The following GOLPH3L variants were observed in gnomAD, a reference collection of about 807,000 sequenced individuals.
GOLPH3L encodes the protein golgi phosphoprotein 3 like.
Under a neutral mutation model 30.3 loss-of-function variants are expected in GOLPH3L, and 22 were observed. That is an observed-to-expected ratio of 0.73 (90% CI 0.52 to 1.04). The LOEUF (loss-of-function observed/expected upper bound fraction) is 1.04. GOLPH3L is among the 50% of genes least tolerant of loss of function. GOLPH3L has a pLI of 0.00. For missense variants in GOLPH3L, 303 were observed against 345.8 expected, an observed-to-expected ratio of 0.88 and a Z score of 0.98; for synonymous variants, 120 against 128.2, an observed-to-expected ratio of 0.94 and a Z score of 0.43.
chr1:150,669,511 C>CT (rs1056194620), intron 2 of GOLPH3L, among the ~76,000 whole-genome samples: 2 of 152,166 alleles, frequency 1.3e-5, no homozygotes, highest in Admixed American at 6.5e-5. Flanking sequence ...CACGTACATA[C>CT]TAAAGTTCAC....
intron 2 of GOLPH3L, among the ~76,000 whole-genome samples, chr1:150,679,241 T>C (rs1182880684): frequency 6.6e-6 from 1 of 152,214 alleles, no homozygotes; most frequent in Non-Finnish European, 1.5e-5. Context: ...AGTGGTATTA[T>C]GTCTGCAGTA....
intron 4 of GOLPH3L, among the ~76,000 whole-genome samples, chr1:150,659,313 G>C (rs1650317687): frequency 6.6e-6 from 1 of 152,232 alleles, no homozygotes; most frequent in African/African-American, 2.4e-5. Flanking sequence ...TGACATGCTT[G>C]TGATGGCCTT....
At position 150,648,400 on chromosome 1, in the gene GOLPH3L, A is replaced by G; in HGVS notation, c.779T>C (p.Leu260Pro). 1.2e-6 allele frequency: 2 copies of G among 1,613,796 alleles called. No homozygotes were observed. The highest frequency in any genetic ancestry group is 1.7e-6 in the Non-Finnish European group (2 of 1,179,698). ...CTTTGTCCCTTCCACTTCAGGGTCC[A>G]GTTCTACTAAGTCCTTGGCTCGATT... is the stretch of plus-strand genomic sequence containing the variant. ...AMNRAKDLVE[L>P]DPEVEGTKPS... Residue 260 changes from leucine (L) to proline (P), a missense_variant, in exon 5 of 5, where the codon CTG becomes CCG. Leu to Pro is a moderately conservative substitution (Grantham distance 98, BLOSUM62 -3). Coordinates refer to ENST00000271732, the MANE Select transcript of GOLPH3L (RefSeq NM_018178.6).
chr1:150,673,348 G>A (rs1339661774), intron 2 of GOLPH3L, among the ~76,000 whole-genome samples: 1 of 152,078 alleles, frequency 6.6e-6, no homozygotes, highest in Non-Finnish European at 1.5e-5. Flanking sequence ...CGGATCACAA[G>A]GTTAGGAGTT....
At chr1:150,660,461 C>T (rs1024745054) in intron 4 of GOLPH3L, among the ~76,000 whole-genome samples, 2 of 152,156 alleles carry the variant, frequency 1.3e-5, no homozygotes, top group African/African-American at 2.4e-5. Context: ...AAAACAGGAA[C>T]TTGAACAGAT....
At chr1:150,660,374 G>T (rs1473632382) in intron 4 of GOLPH3L, among the ~76,000 whole-genome samples, 1 of 152,244 alleles carries the variant, frequency 6.6e-6, no homozygotes, top group East Asian at 1.9e-4. Flanking sequence ...AATGTTTGGT[G>T]ATTTCTCAAA....
chr1:150,684,806 T>G (rs1651045254), intron 2 of GOLPH3L, among the ~76,000 whole-genome samples: 2 of 152,120 alleles, frequency 1.3e-5, no homozygotes, highest in Admixed American at 1.3e-4. Context: ...TAGCTGGGAT[T>G]ACGGGCATGC....
At chr1:150,675,224 C>T (rs141132125) in intron 2 of GOLPH3L, among the ~76,000 whole-genome samples, 2 of 151,790 alleles carry the variant, frequency 1.3e-5, no homozygotes, top group South Asian at 2.1e-4. Context: ...AATTATGTTA[C>T]GTTCAAACCT....
At chr1:150,678,479 T>C (rs12086630) in intron 2 of GOLPH3L, among the ~76,000 whole-genome samples, 58,378 of 151,696 alleles carry the variant, frequency 0.38, 11,552 homozygotes, top group South Asian at 0.55. Context: ...CTTCCCAATT[T>C]TAAAATTATA....
intron 4 of GOLPH3L, among the ~76,000 whole-genome samples, chr1:150,658,631 A>T (rs921141124): frequency 6.6e-6 from 1 of 152,244 alleles, no homozygotes; most frequent in Non-Finnish European, 1.5e-5. Flanking sequence ...TTATGGAATC[A>T]TTACTGATTG....
chr1:150,688,682 T>C (rs1571056459), intron 2 of GOLPH3L, among the ~76,000 whole-genome samples: 1 of 151,964 alleles, frequency 6.6e-6, no homozygotes, highest in Admixed American at 6.6e-5. Context: ...ATCCGGGAGG[T>C]GGAGGTTGCA....
intron 2 of GOLPH3L, among the ~76,000 whole-genome samples, chr1:150,685,644 G>A (rs1048947085): frequency 2.0e-5 from 3 of 152,082 alleles, no homozygotes; most frequent in Non-Finnish European, 4.4e-5. Flanking sequence ...GAACCCACGA[G>A]GTGGAGGTTG....
At chr1:150,667,451 A>G (rs1253880977) in intron 2 of GOLPH3L, among the ~76,000 whole-genome samples, 1 of 152,118 alleles carries the variant, frequency 6.6e-6, no homozygotes, top group Non-Finnish European at 1.5e-5. Flanking sequence ...AGCCTTCAGG[A>G]TGGAATCCAA....
intron 4 of GOLPH3L, among the ~76,000 whole-genome samples, chr1:150,649,658 A>G (rs1396695043): frequency 6.6e-6 from 1 of 152,188 alleles, no homozygotes; most frequent in African/African-American, 2.4e-5. Flanking sequence ...CCCACTCAGG[A>G]GCAATCAGAG....
At chr1:150,651,642 C>CAAAAAAAAAAAAAAAAAAA (rs59940841) in intron 4 of GOLPH3L, among the ~76,000 whole-genome samples, 1 of 60,852 alleles carries the variant, frequency 1.6e-5, no homozygotes, top group African/African-American at 7.2e-5. Context: ...GAGCGAAACT[C>CAAAAAAAAAAAAAAAAAAA]AAAAAAAAAA....
At chr1:150,687,139 G>C (rs1453820480) in intron 2 of GOLPH3L, among the ~76,000 whole-genome samples, 1 of 151,748 alleles carries the variant, frequency 6.6e-6, no homozygotes, top group Non-Finnish European at 1.5e-5. Context: ...TTTAAGACAA[G>C]GTCTTGTTCT....
chr1:150,655,900 TTTAA>T, intron 4 of GOLPH3L, among the ~76,000 whole-genome samples: 1 of 152,238 alleles, frequency 6.6e-6, no homozygotes, highest in Non-Finnish European at 1.5e-5. Flanking sequence ...TAGTTATAGA[TTTAA>T]AAGACTGTTT....
chr1:150,653,040 T>C (rs1203578073), intron 4 of GOLPH3L, among the ~76,000 whole-genome samples: 1 of 151,696 alleles, frequency 6.6e-6, no homozygotes, highest in African/African-American at 2.4e-5. Flanking sequence ...ATCCCAGAAC[T>C]TTGGGATGCC....
chr1:150,678,672 T>G (rs749670682), intron 2 of GOLPH3L, among the ~76,000 whole-genome samples: 27 of 152,206 alleles, frequency 1.8e-4, no homozygotes, highest in African/African-American at 6.3e-4. Context: ...AAAAAAGGAA[T>G]GTTTTAAACT....
Sources: gnomAD v4.1 joint callset for allele counts (sites outside exome capture counted in the v4.1 genomes callset) on GRCh38, gnomAD v4.1.1 for gene constraint, MANE v1.5 for transcripts, NCBI Gene and HGNC (gene_info 2026-07-23, HGNC 2026-07-21) for gene names.